The following PDE7B variants were observed in gnomAD, a reference collection of about 807,000 sequenced individuals.
PDE7B encodes phosphodiesterase 7B.
A neutral mutation model predicts 56.2 loss-of-function variants in PDE7B; 29 were observed. The ratio of observed to expected loss-of-function variants is 0.52; its 90% CI spans 0.38 to 0.70. The LOEUF (loss-of-function observed/expected upper bound fraction) is 0.70, where lower values mean the gene tolerates loss of function less well. Ranked by LOEUF, PDE7B falls within the 30% of genes least tolerant of loss-of-function variation. PDE7B has a pLI of 0.00. For missense variants in PDE7B, 490 were observed against 565.0 expected, an observed-to-expected ratio of 0.87 and a Z score of 1.35; for synonymous variants, 197 against 196.9, an observed-to-expected ratio of 1.00 and a Z score of 0.00.
intron 1 of PDE7B, among the ~76,000 whole-genome samples, chr6:135,861,686 C>A (rs1028177718): frequency 3.3e-5 from 5 of 151,556 alleles, no homozygotes; most frequent in Admixed American, 3.3e-4. Context: ...TTCCCTAAAA[C>A]AAAATACTGT....
chr6:136,166,405 A>G (rs1320999007), intron 8 of PDE7B: 1 of 152,524 alleles, frequency 6.6e-6, no homozygotes, highest in Non-Finnish European at 1.5e-5. Context: ...CTGCAACTGG[A>G]TAATTTATAA....
Position 136,082,014 on chromosome 6 carries a change from T to C in PDE7B, c.83-26717T>C, listed in dbSNP as rs117569958. On this transcript the variant is annotated intron_variant, in intron 2 of 12. Coordinates refer to ENST00000308191, the MANE Select transcript of PDE7B (RefSeq NM_018945.4). Reference sequence around the variant, plus strand: ...GTCAGTCAGGGTAGGGCCCATGAATTTGCCTTTCTATTAGTGCAATTTCTA... The same window carrying C: ...GTCAGTCAGGGTAGGGCCCATGAATCTGCCTTTCTATTAGTGCAATTTCTA... Among the ~76,000 whole-genome samples, 71 of 152,302 alleles carry C rather than the reference T, an allele frequency of 4.7e-4. No individual in the cohort carries two copies. The East Asian group carries it at 6.2e-3, about 13-fold the overall frequency.
intron 2 of PDE7B, among the ~76,000 whole-genome samples, chr6:136,003,796 C>T (rs1219276117): frequency 2.6e-5 from 4 of 152,186 alleles, no homozygotes; most frequent in Non-Finnish European, 5.9e-5. Flanking sequence ...GGTACCATTC[C>T]TTCTGAAACT....
chr6:136,079,298 G>A (rs376940931), intron 2 of PDE7B, among the ~76,000 whole-genome samples: 14 of 152,206 alleles, frequency 9.2e-5, no homozygotes, highest in Admixed American at 4.6e-4. Flanking sequence ...TTGAAAAACC[G>A]TCACTTTATA....
chr6:135,876,103 A>G (rs1025905841), intron 1 of PDE7B, among the ~76,000 whole-genome samples: 5 of 152,164 alleles, frequency 3.3e-5, no homozygotes, highest in African/African-American at 4.8e-5. Context: ...GGGAGAAGAA[A>G]GGAATATGGG....
At chr6:136,049,277 A>C (rs1225633847) in intron 2 of PDE7B, 1 of 151,830 alleles carries the variant, frequency 6.6e-6, no homozygotes, top group African/African-American at 2.4e-5. Context: ...TAATTTTTTT[A>C]TTTTTGTAGA....
At chr6:135,886,076 A>T (rs1038685968) in intron 1 of PDE7B, among the ~76,000 whole-genome samples, 5 of 152,176 alleles carry the variant, frequency 3.3e-5, no homozygotes, top group African/African-American at 1.2e-4. Flanking sequence ...ACATTTTCTG[A>T]AACATACAAT....
chr6:136,152,827 T>C (rs1319514248), intron 6 of PDE7B, among the ~76,000 whole-genome samples: 2 of 152,206 alleles, frequency 1.3e-5, no homozygotes, highest in Non-Finnish European at 2.9e-5. Context: ...CAGGTTTCTA[T>C]GGTGCTTACA....
Position 136,158,887 on chromosome 6 carries a change from C to T in PDE7B, c.711+3129C>T, listed in dbSNP as rs531774209. On this transcript the variant is annotated intron_variant, in intron 8 of 12. Transcript: ENST00000308191. ...ACAAATTTAATGGTGGGCTTAGCAACTGTGCAAAGTAAGCATTAAGTTACA... is the reference window on the plus strand; with the variant it reads ...ACAAATTTAATGGTGGGCTTAGCAATTGTGCAAAGTAAGCATTAAGTTACA... Among the ~76,000 whole-genome samples the T allele has an allele frequency of 2.6e-4, 40 of 152,290 alleles. 1 individual carries two copies. In the South Asian group the frequency reaches 8.1e-3, roughly 31 times the overall value.
chr6:136,146,026 G>C (rs1778407654), intron 3 of PDE7B, among the ~76,000 whole-genome samples: 1 of 152,118 alleles, frequency 6.6e-6, no homozygotes, highest in Non-Finnish European at 1.5e-5. Flanking sequence ...TCCACCTATA[G>C]CCTGCCCTTG....
chr6:136,028,416 C>T (rs1392282337), intron 2 of PDE7B, among the ~76,000 whole-genome samples: 2 of 152,192 alleles, frequency 1.3e-5, no homozygotes, highest in Non-Finnish European at 2.9e-5. Context: ...ACCACGTGAG[C>T]AGTAACATAA....
At chr6:135,859,274 G>A (rs555031622) in intron 1 of PDE7B, among the ~76,000 whole-genome samples, 9 of 152,084 alleles carry the variant, frequency 5.9e-5, no homozygotes, top group Non-Finnish European at 1.2e-4. Flanking sequence ...GAAATATAGT[G>A]TGTTTCCATG....
At chr6:135,874,474 A>G (rs1259797703) in intron 1 of PDE7B, among the ~76,000 whole-genome samples, 2 of 152,136 alleles carry the variant, frequency 1.3e-5, no homozygotes, top group South Asian at 2.1e-4. Context: ...CTACAATTTT[A>G]TTTCTACTCA....
At chr6:136,172,979 A>G (rs1337456476) in intron 8 of PDE7B, among the ~76,000 whole-genome samples, 2 of 151,940 alleles carry the variant, frequency 1.3e-5, no homozygotes. Context: ...GAGAACTACA[A>G]ACCACTGCTC....
chr6:136,001,893 A>T (rs912215680), intron 2 of PDE7B, among the ~76,000 whole-genome samples: 1 of 151,934 alleles, frequency 6.6e-6, no homozygotes, highest in African/African-American at 2.4e-5. Context: ...CAAGACACAT[A>T]ATTGTCAGAT....
chr6:135,991,273 TCCCAG>T (rs1450107615), intron 2 of PDE7B, among the ~76,000 whole-genome samples: 1 of 152,156 alleles, frequency 6.6e-6, no homozygotes, highest in African/African-American at 2.4e-5. Flanking sequence ...CAGGTCTTTT[TCCCAG>T]CCCCTACTCA....
At chr6:136,154,504 C>A (rs1778575724) in intron 7 of PDE7B, among the ~76,000 whole-genome samples, 1 of 151,338 alleles carries the variant, frequency 6.6e-6, no homozygotes, top group South Asian at 2.1e-4. Flanking sequence ...TGCCTTAGAT[C>A]TTTGCCACAA....
intron 2 of PDE7B, among the ~76,000 whole-genome samples, chr6:136,075,240 G>A (rs530393488): frequency 1.5e-4 from 23 of 152,122 alleles, no homozygotes; most frequent in Non-Finnish European, 2.6e-4. Flanking sequence ...AGGAAAAAGG[G>A]GCATCTGAAA....
chr6:136,174,897 G>A (rs1778951373), intron 9 of PDE7B, among the ~76,000 whole-genome samples: 2 of 152,102 alleles, frequency 1.3e-5, no homozygotes, highest in African/African-American at 2.4e-5. Context: ...AAATTGCAAA[G>A]ATTGAAAGAA....
Sources: allele counts gnomAD v4.1 joint callset (sites outside exome capture counted in the v4.1 genomes callset), GRCh38; gene constraint gnomAD v4.1.1; transcripts MANE v1.5; gene names NCBI Gene and HGNC (gene_info 2026-07-23, HGNC 2026-07-21).